The following CORO2B variants were observed in gnomAD, a reference collection of about 807,000 sequenced individuals.
CORO2B encodes the protein coronin-2B.
In CORO2B, 26 loss-of-function variants were observed where a neutral mutation model predicts 58.8. The ratio of observed to expected loss-of-function variants is 0.44; its 90% confidence interval spans 0.32 to 0.61. The LOEUF is 0.61. Among genes scored for constraint, CORO2B ranks in the 20% least tolerant of loss-of-function variants. CORO2B has a pLI of 0.04. For synonymous variants in CORO2B, 242 were observed against 253.8 expected, an observed-to-expected ratio of 0.95 and a Z score of 0.44; for missense variants, 460 against 645.1, an observed-to-expected ratio of 0.71 and a Z score of 3.11.
Position 68,633,446 on chromosome 15 carries a change from C to T in CORO2B, c.16-11714C>T, listed in dbSNP as rs72748505. On this transcript the variant is annotated intron_variant, in intron 1 of 11. Coordinates refer to ENST00000261861, the MANE Select transcript of CORO2B (RefSeq NM_006091.5). ...AAAAAAAAAGTTTCTGCTCTAGTTTCTAGACCCTCAGCTGGTGAGGCCCCT... is the reference window on the plus strand; with the variant it reads ...AAAAAAAAAGTTTCTGCTCTAGTTTTTAGACCCTCAGCTGGTGAGGCCCCT... Among the ~76,000 whole-genome samples, 1,202 of 151,942 alleles carry T rather than the reference C, an allele frequency of 7.9e-3. 7 individuals are homozygous for T. The highest frequency in any genetic ancestry group is 0.013 in the South Asian group (64 of 4,824).
intron 11 of CORO2B, 94 bp from the exon 12 acceptor site, chr15:68,725,749 C>A: frequency 6.5e-7 from 1 of 1,529,772 alleles, no homozygotes; most frequent in Non-Finnish European, 8.9e-7. Context: ...TGTGAGGGCA[C>A]GGGCGGCAGG....
rs1040524236 is a variant in CORO2B, at chr15:68,727,029, A to T, written c.*1055A>T. ...TCCCCAGGGGACTCCATCTGAGATG[A>T]GGCCTCGTCCTCCTGGAAGCTGAGG... On this transcript the variant is annotated 3_prime_UTR_variant, in exon 12 of 12. Transcript: ENST00000261861. 7.9e-5 allele frequency: 12 copies of T among 152,504 alleles called. No individual in the cohort carries two copies. The highest frequency in any genetic ancestry group is 2.7e-4 in the African/African-American group (11 of 41,414). The allele number at this position is 152,504 out of a possible 1,614,324, so 9.4% of individuals were successfully genotyped here.
Position 68,718,685 on chromosome 15 carries a change from G to A in CORO2B, c.968-13G>A, listed in dbSNP as rs1261717718. 4.3e-6 allele frequency: 7 copies of A among 1,610,472 alleles called. No individual in the cohort carries two copies. The Admixed American group carries it at 6.7e-5, about 15-fold the overall frequency. ...TCTGGGACCCCATGGAGCCACATGTGTGCCTGTTACAGGGGTCATGCCCAA... is the reference window on the plus strand; with the variant it reads ...TCTGGGACCCCATGGAGCCACATGTATGCCTGTTACAGGGGTCATGCCCAA... On this transcript the variant is annotated splice_polypyrimidine_tract_variant and intron_variant, in intron 8 of 11. Coordinates refer to ENST00000261861, the MANE Select transcript of CORO2B (RefSeq NM_006091.5).
intron 1 of CORO2B, among the ~76,000 whole-genome samples, chr15:68,644,667 G>A (rs1200668343): frequency 6.6e-6 from 1 of 152,130 alleles, no homozygotes; most frequent in African/African-American, 2.4e-5. Context: ...GACAGTGGAT[G>A]GGGGGTTGCC....
chr15:68,559,582 G>C, the CORO2B span: 1 of 985,370 alleles, frequency 1.0e-6, no homozygotes, highest in Non-Finnish European at 1.2e-6. This position sits in a 1 kb window ranked among gnomAD's most constrained non-coding sequence, Gnocchi z 4.3. Flanking sequence ...GCAGGGACCA[G>C]ACGGGGAGCA....
chr15:68,635,300 C>T (rs1368046738), intron 1 of CORO2B, among the ~76,000 whole-genome samples: 1 of 152,220 alleles, frequency 6.6e-6, no homozygotes, highest in Non-Finnish European at 1.5e-5. Flanking sequence ...AGGAGTCTGG[C>T]ACAGACCAGC....
At chr15:68,630,273 TGA>T (rs1253605415) in intron 1 of CORO2B, among the ~76,000 whole-genome samples, 2 of 152,166 alleles carry the variant, frequency 1.3e-5, no homozygotes, top group African/African-American at 4.8e-5. Context: ...AGCATGAACT[TGA>T]CTATCGCTCC....
At chr15:68,533,219 G>A in the CORO2B span, among the ~76,000 whole-genome samples, 4 of 152,002 alleles carry the variant, frequency 2.6e-5, no homozygotes, top group African/African-American at 7.3e-5. Context: ...ACTCCATGGT[G>A]CCTGTTAACC....
intron 8 of CORO2B, among the ~76,000 whole-genome samples, chr15:68,717,388 C>G (rs1173104225): frequency 2.0e-5 from 3 of 151,864 alleles, no homozygotes; most frequent in East Asian, 3.9e-4. Context: ...ACAGGGAAAC[C>G]AGTTAGGAAG....
chr15:68,526,230 C>T, the CORO2B span, among the ~76,000 whole-genome samples: 17,418 of 152,208 alleles, frequency 0.11, 1,029 homozygotes, highest in Middle Eastern at 0.13. Context: ...GTTATGAACA[C>T]TTACAGATGG....
intron 2 of CORO2B, among the ~76,000 whole-genome samples, chr15:68,647,233 T>C (rs1198908760): frequency 1.3e-5 from 2 of 151,992 alleles, no homozygotes; most frequent in African/African-American, 4.8e-5. Context: ...ATAAAGGAAA[T>C]GAATAGGTTA....
intron 2 of CORO2B, among the ~76,000 whole-genome samples, chr15:68,654,288 G>C (rs1303971890): frequency 1.3e-5 from 2 of 152,248 alleles, no homozygotes; most frequent in African/African-American, 4.8e-5. Context: ...CAGGGGGCCA[G>C]AGATGCAGCC....
chr15:68,568,953 C>T, the CORO2B span, among the ~76,000 whole-genome samples: 1 of 151,990 alleles, frequency 6.6e-6, no homozygotes, highest in Non-Finnish European at 1.5e-5. Context: ...CAAACCTGCA[C>T]GTTCTGCACA....
intron 2 of CORO2B, among the ~76,000 whole-genome samples, chr15:68,664,664 C>A (rs982671435): frequency 6.6e-6 from 1 of 151,898 alleles, no homozygotes; most frequent in Non-Finnish European, 1.5e-5. Flanking sequence ...AACCAAAAAC[C>A]AAAAAACAAA....
intron 1 of CORO2B, among the ~76,000 whole-genome samples, chr15:68,589,900 G>A (rs1327387938): frequency 1.3e-5 from 2 of 152,308 alleles, no homozygotes; most frequent in Middle Eastern, 3.4e-3. Context: ...ATCAGGCTGC[G>A]GCTGCCCAGG....
intron 1 of CORO2B, among the ~76,000 whole-genome samples, chr15:68,588,120 T>C (rs534188345): frequency 1.3e-5 from 2 of 152,312 alleles, no homozygotes; most frequent in South Asian, 4.1e-4. Flanking sequence ...AATGGTTTAT[T>C]GTGATGTCTA....
chr15:68,717,839 TAC>T (rs773041266), intron 8 of CORO2B, among the ~76,000 whole-genome samples: 3 of 152,178 alleles, frequency 2.0e-5, no homozygotes, highest in Admixed American at 6.5e-5. Context: ...ATATTCACAA[TAC>T]AGGGAAAGAA....
At chr15:68,563,179 G>A in the CORO2B span, among the ~76,000 whole-genome samples, 2 of 151,106 alleles carry the variant, frequency 1.3e-5, no homozygotes, top group African/African-American at 4.9e-5. Flanking sequence ...GCAGAGGAAA[G>A]AAATAATAAA....
At chr15:68,573,980 G>A in the CORO2B span, among the ~76,000 whole-genome samples, 2 of 152,100 alleles carry the variant, frequency 1.3e-5, no homozygotes, top group African/African-American at 2.4e-5. Context: ...GGGAGAGAAG[G>A]GCCAGGTTAT....
Sources: gnomAD v4.1 joint callset for allele counts (sites outside exome capture counted in the v4.1 genomes callset) on GRCh38, gnomAD v4.1.1 for gene constraint, Gnocchi (gnomAD v3.1) non-coding constraint, MANE v1.5 for transcripts, NCBI Gene and HGNC (gene_info 2026-07-23, HGNC 2026-07-21) for gene names.